Variants in MYADML2 observed in about 807,000 individuals in gnomAD.
The protein encoded by MYADML2 is myeloid-associated differentiation marker-like protein 2.
A neutral mutation model predicts 16.0 loss-of-function variants in MYADML2; 17 were observed. That is an observed-to-expected ratio of 1.06 (90% confidence interval 0.73 to 1.60). The LOEUF is 1.60. Among genes scored for constraint, MYADML2 ranks in the 40% most tolerant of loss-of-function variants. MYADML2 has a pLI of 0.00. For missense variants in MYADML2, 422 were observed against 437.7 expected (o/e 0.96, Z 0.32); for synonymous variants, 210 against 208.1 (o/e 1.01, Z -0.08).
intron 1 of MYADML2, among the ~76,000 whole-genome samples, chr17:81,946,508 T>A (rs1322119667): frequency 6.8e-6 from 1 of 147,838 alleles, no homozygotes. Context: ...ATTAGCCAGG[T>A]GTGGCAGTGG....
Position 81,941,758 on chromosome 17 carries a change from C to A in MYADML2, c.-17G>T. The A allele has an allele frequency of 6.7e-7, 1 of 1,488,112 alleles. No individual in the cohort carries two copies. The highest frequency in any genetic ancestry group is 2.5e-5 in the East Asian group (1 of 40,256). The allele number at this position is 1,488,112 out of a possible 1,614,324, so 92.2% of individuals were successfully genotyped here. A position where few individuals can be genotyped will look rare whatever the true frequency, so the allele number is the denominator to read the frequency against. ...GCTGCCCATCTGGCCAGCCACGTTT[C>A]CAGCTCACACAGTCCCCCAAGGCCC... On this transcript the variant is annotated 5_prime_UTR_variant, in exon 3 of 3. Transcript: ENST00000409745.
intron 1 of MYADML2, among the ~76,000 whole-genome samples, chr17:81,945,422 C>G (rs576609183): frequency 3.8e-4 from 57 of 151,910 alleles, no homozygotes; most frequent in Non-Finnish European, 6.6e-4. Context: ...GCCTGTAGTC[C>G]CAGCTACTCA....
chr17:81,940,762 C>T lies in MYADML2; in HGVS notation c.*56G>A, dbSNP rs1329471181. ...CACTTTGGTTCACCTGAGTTTCCCT[C>T]GCAGAGCCTGGAGCTGGTGGCCAGA... On this transcript the variant is annotated 3_prime_UTR_variant, in exon 3 of 3. Transcript: ENST00000409745. The T allele has an allele frequency of 2.0e-5, 29 of 1,453,936 alleles. No individual in the cohort carries two copies. The highest frequency in any genetic ancestry group is 7.2e-5 in the South Asian group (5 of 69,754). The allele number at this position is 1,453,936 out of a possible 1,614,324, so 90.1% of individuals were successfully genotyped here. A position where few individuals can be genotyped will look rare whatever the true frequency, so the allele number is the denominator to read the frequency against.
At chr17:81,944,087 G>A (rs2041325558) in intron 1 of MYADML2, among the ~76,000 whole-genome samples, 1 of 150,332 alleles carries the variant, frequency 6.7e-6, no homozygotes, top group Non-Finnish European at 1.5e-5. Context: ...ACTCCAGCCT[G>A]GGTGACAGAG....
At chr17:81,946,357 A>G (rs552270556) in intron 1 of MYADML2, among the ~76,000 whole-genome samples, 51 of 151,466 alleles carry the variant, frequency 3.4e-4, no homozygotes, top group African/African-American at 1.2e-3. Context: ...CAGTCTCGAA[A>G]AGAAGAAAAG....
At position 81,941,257 on chromosome 17, in the gene MYADML2, G is replaced by C. The variant is rs781610654; in HGVS notation, c.485C>G (p.Thr162Arg). Residue 162 changes from threonine (T) to arginine (R), a missense_variant, in exon 3 of 3, where the codon ACG (threonine) becomes AGG (arginine). Thr to Arg is a moderately conservative substitution (Grantham distance 71, BLOSUM62 -1). Transcript: ENST00000409745. ...RPGQVSSYMA[T>R]VSGLLKIVQA... is the part of the protein sequence containing the mutation. ...GACGATCTTGAGGAGCCCCGACACC[G>C]TGGCCATATAGCTGCTCACCTGGCC... The C allele has an allele frequency of 1.9e-6, 3 of 1,550,020 alleles. No individual in the cohort carries two copies. The African/African-American group carries it at 4.1e-5, about 21-fold the overall frequency.
rs2041293108 is a variant in MYADML2, at chr17:81,940,521, A to G, written c.*297T>C. ...TTAAAGTTTTCCCTTATGATGTTCC[A>G]GTGACCAGCACTGAGCCCCAGGAGC... On this transcript the variant is annotated 3_prime_UTR_variant, in exon 3 of 3. Coordinates refer to ENST00000409745, the MANE Select transcript of MYADML2 (RefSeq NM_001145113.3). 1.9e-5 allele frequency: 7 copies of G among 375,078 alleles called. No homozygotes were observed. The South Asian group carries it at 5.0e-4, about 27-fold the overall frequency. 23.2% of individuals were successfully genotyped at this position (375,078 alleles called of 1,614,324 possible).
chr17:81,946,450 C>T (rs759544757), intron 1 of MYADML2, among the ~76,000 whole-genome samples: 1 of 151,388 alleles, frequency 6.6e-6, no homozygotes, highest in Non-Finnish European at 1.5e-5. Flanking sequence ...AGATCGAGAC[C>T]ATCCTGGCCA....
In MYADML2 at chr17:81,941,251, G is replaced by A. The variant is rs945067678; in HGVS notation, c.491C>T (p.Ser164Leu). The change falls in exon 3 of 3, where the codon TCG (serine) becomes TTG (leucine). Residue 164 changes from serine to leucine, a missense_variant. Coordinates refer to ENST00000409745, the MANE Select transcript of MYADML2 (RefSeq NM_001145113.3). ...GQVSSYMATV[S>L]GLLKIVQAFV... Reference sequence around the variant, plus strand: ...GGCCTGGACGATCTTGAGGAGCCCCGACACCGTGGCCATATAGCTGCTCAC... The same window carrying A: ...GGCCTGGACGATCTTGAGGAGCCCCAACACCGTGGCCATATAGCTGCTCAC... 8 of 1,549,992 alleles carry A rather than the reference G, an allele frequency of 5.2e-6. No homozygotes were observed. The highest frequency in any genetic ancestry group is 2.0e-5 in the Admixed American group (1 of 50,990).
chr17:81,941,233 A>G lies in MYADML2; in HGVS notation c.509T>C (p.Val170Ala). The change falls in exon 3 of 3, where the codon GTC (valine) becomes GCC (alanine). Residue 170 changes from valine (V) to alanine (A), a missense_variant. Coordinates refer to ENST00000409745, the MANE Select transcript of MYADML2 (RefSeq NM_001145113.3). ...MATVSGLLKI[V>A]QAFVACIIFG... is the part of the protein sequence containing the mutation. The stretch of plus-strand genomic sequence containing the variant: ...GATGATGCAGGCCACGAAGGCCTGG[A>G]CGATCTTGAGGAGCCCCGACACCGT... 6.5e-7 allele frequency: 1 copy of G among 1,550,150 alleles called. No homozygotes were observed. Among genetic ancestry groups the G allele is most frequent in the Non-Finnish European group, 8.7e-7 (1 of 1,146,920 alleles).
chr17:81,946,626 C>T (rs1201826133), intron 1 of MYADML2, among the ~76,000 whole-genome samples: 1 of 151,824 alleles, frequency 6.6e-6, no homozygotes, highest in East Asian at 1.9e-4. Context: ...CCAGCCTGGG[C>T]AACAGAGCAA....
intron 2 of MYADML2, 94 bp from the exon 3 acceptor site, chr17:81,941,937 G>A (rs533747748): frequency 2.0e-5 from 11 of 537,462 alleles, no homozygotes; most frequent in South Asian, 6.5e-5. Context: ...ATAGACAGCC[G>A]TGATCAGAGC....
chr17:81,940,420 G>A lies in MYADML2; in HGVS notation c.*398C>T, dbSNP rs1004721545. 5.5e-6 allele frequency: 1 copy of A among 181,162 alleles called. No individual in the cohort carries two copies. Among genetic ancestry groups the A allele is most frequent in the African/African-American group, 2.3e-5 (1 of 42,636 alleles). 11.2% of individuals were successfully genotyped at this position (181,162 alleles called of 1,614,324 possible). On this transcript the variant is annotated 3_prime_UTR_variant, in exon 3 of 3. Transcript: ENST00000409745. ...CTGACTGTGGTCTCCAGACACTAAT[G>A]GAGGTACTGGGTGCCTCGCAAATGC... is the stretch of plus-strand genomic sequence containing the variant.
Position 81,940,871 on chromosome 17 carries a change from A to T in MYADML2, c.871T>A (p.Tyr291Asn). The change falls in exon 3 of 3, where the codon TAC (tyrosine) becomes AAC (asparagine). Residue 291 changes from tyrosine (Y) to asparagine (N), a missense_variant. By Grantham distance (143) the Tyr-to-Asn change is moderately radical. Transcript: ENST00000409745. ...AIFTYVNLLL[Y>N]VVDLAYSQRI... is the part of the protein sequence containing the mutation. ...TGGGAGTAGGCGAGGTCAACGACGT[A>T]CAGGAGCAGGTTGACGTAGGTGAAG... The T allele has an allele frequency of 6.5e-7, 1 of 1,542,158 alleles. No individual in the cohort carries two copies. Among genetic ancestry groups the T allele is most frequent in the Non-Finnish European group, 8.8e-7 (1 of 1,141,082 alleles).
At position 81,940,298 on chromosome 17, in the gene MYADML2, G is replaced by A. The variant is rs368535715; in HGVS notation, c.*520C>T. ...GCCTCTCTGAACCAGGAGTGGTTCC[G>A]GCTCCCCACGCCCCTCCCTCCCCTT... On this transcript the variant is annotated 3_prime_UTR_variant, in exon 3 of 3. Transcript: ENST00000409745. 6 of 153,146 alleles carry A rather than the reference G, an allele frequency of 3.9e-5. No individual in the cohort carries two copies. The highest frequency in any genetic ancestry group is 1.4e-4 in the African/African-American group (6 of 41,426). The allele number at this position is 153,146 out of a possible 1,614,324, so 9.5% of individuals were successfully genotyped here.
In MYADML2 at chr17:81,940,458, T is replaced by C. The variant is rs2293099; in HGVS notation, c.*360A>G. On this transcript the variant is annotated 3_prime_UTR_variant, in exon 3 of 3. Transcript: ENST00000409745. ...GCCTCGCAAATGCTTCTAGCCTCCA[T>C]GTCCCCAGCTGCAAAATGGGTCACA... 0.52 allele frequency: 111,364 copies of C among 214,374 alleles called. 30,613 individuals carry two copies. The highest frequency in any genetic ancestry group is 0.6 in the Non-Finnish European group (63,458 of 106,042). 13.3% of individuals were successfully genotyped at this position (214,374 alleles called of 1,614,324 possible).
rs868553562 is a variant in MYADML2, at chr17:81,941,346, A to G, written c.396T>C (p.Ser132=). 1.0e-5 allele frequency: 16 copies of G among 1,548,746 alleles called. 1 individual carries two copies. The highest frequency in any genetic ancestry group is 1.7e-6 in the Non-Finnish European group (2 of 1,146,232). The change falls in exon 3 of 3, where the codon AGT becomes AGC. Residue 132 remains serine, a synonymous_variant. Coordinates refer to ENST00000409745, the MANE Select transcript of MYADML2 (RefSeq NM_001145113.3). Reference sequence around the variant, plus strand: ...CCAGGAAGAGGAGCCCGGCGAAGACACTGGCTGCCAGGCGGAAGTCCCTGG... The same window carrying G: ...CCAGGAAGAGGAGCCCGGCGAAGACGCTGGCTGCCAGGCGGAAGTCCCTGG... ...CAARDFRLAA[S]VFAGLLFLAY...
chr17:81,944,056 G>A (rs2143925207), intron 1 of MYADML2, among the ~76,000 whole-genome samples: 1 of 151,184 alleles, frequency 6.6e-6, no homozygotes, highest in South Asian at 2.1e-4. Flanking sequence ...AGGTTGCAGT[G>A]AGCCGAAATC....
chr17:81,947,195 A>C lies in MYADML2; in HGVS notation c.-317T>G, dbSNP rs2041353357. On this transcript the variant is annotated 5_prime_UTR_variant, in exon 1 of 3. An upstream open reading frame in the 5' UTR gains an earlier in-frame stop. Coordinates refer to ENST00000409745, the MANE Select transcript of MYADML2 (RefSeq NM_001145113.3). ...AGGTACTGGATCCCATCCCCCAAGG[A>C]TACAAAGGGACAGCTGTACTTGGGA... The C allele has an allele frequency of 6.6e-6, 1 of 152,164 alleles. No homozygotes were observed. The highest frequency in any genetic ancestry group is 2.1e-4 in the South Asian group (1 of 4,826). 9.4% of individuals were successfully genotyped at this position (152,164 alleles called of 1,614,324 possible). A position where few individuals can be genotyped will look rare whatever the true frequency, so the allele number is the denominator to read the frequency against.
Sources: gnomAD v4.1 joint callset for allele counts (sites outside exome capture counted in the v4.1 genomes callset) on GRCh38, gnomAD v4.1.1 for gene constraint, MANE v1.5 for transcripts, NCBI Gene and HGNC (gene_info 2026-07-23, HGNC 2026-07-21) for gene names.